ALDH5A1: variants seen among roughly 807,000 people sequenced by gnomAD.
The protein encoded by ALDH5A1 is aldehyde dehydrogenase 5 family member A1, also known as succinate-semialdehyde dehydrogenase, mitochondrial.
ALDH5A1 carries 33 observed loss-of-function variants against 54.7 expected under a neutral mutation model. That is an observed-to-expected ratio of 0.60 (90% CI 0.46 to 0.81). ALDH5A1 has a LOEUF of 0.81. Ranked by LOEUF, ALDH5A1 falls within the 30% of genes least tolerant of loss-of-function variation. The pLI is 0.00. For synonymous variants in ALDH5A1, 294 were observed against 292.7 expected (o/e 1.00, Z -0.05); for missense variants, 657 against 711.0 (o/e 0.92, Z 0.86).
chr6:24,515,108 T>C (rs1328751672), intron 4 of ALDH5A1, 59 bp from the exon 5 acceptor site: 12 of 1,470,132 alleles, frequency 8.2e-6, no homozygotes, highest in Non-Finnish European at 1.1e-5. Flanking sequence ...TTTTCTTTTT[T>C]TTTTTTTTTT....
intron 1 of ALDH5A1, among the ~76,000 whole-genome samples, chr6:24,495,830 G>A (rs1424286749): frequency 6.6e-6 from 1 of 152,204 alleles, no homozygotes; most frequent in Non-Finnish European, 1.5e-5. Context: ...TCATGGGATC[G>A]GAAACGGAGA....
intron 1 of ALDH5A1, 71 bp downstream of exon 1, chr6:24,495,421 C>T (rs2127379205): frequency 7.0e-7 from 1 of 1,423,080 alleles, no homozygotes; most frequent in South Asian, 1.3e-5. Flanking sequence ...GGCTTTACCC[C>T]AAAGTGACAC....
intron 8 of ALDH5A1, among the ~76,000 whole-genome samples, chr6:24,531,567 A>G (rs1303932640): frequency 6.6e-6 from 1 of 152,230 alleles, no homozygotes; most frequent in Non-Finnish European, 1.5e-5. Flanking sequence ...AACAACAGAA[A>G]AATATCACTG....
In ALDH5A1 at chr6:24,526,605, G is replaced by A. The variant is rs200926006; in HGVS notation, c.1174-1392G>A. On this transcript the variant is annotated intron_variant, in intron 7 of 9. Coordinates refer to ENST00000357578, the MANE Select transcript of ALDH5A1 (RefSeq NM_001080.3). Reference sequence around the variant, plus strand: ...TGGAGTTTAAAGCAAACTATAGAGAGGCAAAAAATATAATAGAAATGCAAA... The same window carrying A: ...TGGAGTTTAAAGCAAACTATAGAGAAGCAAAAAATATAATAGAAATGCAAA... Among the ~76,000 whole-genome samples, 6 of 151,242 alleles carry A rather than the reference G, an allele frequency of 4.0e-5. No individual in the cohort carries two copies. In the East Asian group the frequency reaches 1.2e-3, roughly 29 times the overall value.
intron 3 of ALDH5A1, among the ~76,000 whole-genome samples, chr6:24,504,499 C>T (rs1437634079): frequency 1.3e-5 from 2 of 152,210 alleles, no homozygotes; most frequent in Admixed American, 6.5e-5. Context: ...CCCATTCATA[C>T]ACCTACTATC....
intron 1 of ALDH5A1, among the ~76,000 whole-genome samples, chr6:24,496,159 A>G (rs1764700700): frequency 6.6e-6 from 1 of 152,184 alleles, no homozygotes; most frequent in Admixed American, 6.5e-5. Flanking sequence ...CTTAGCACTC[A>G]TTCATCCATC....
chr6:24,496,544 G>A (rs1222715869), intron 1 of ALDH5A1, among the ~76,000 whole-genome samples: 2 of 152,192 alleles, frequency 1.3e-5, no homozygotes, highest in African/African-American at 4.8e-5. Flanking sequence ...CCCAGATCGA[G>A]GTGTTGTCAG....
intron 4 of ALDH5A1, among the ~76,000 whole-genome samples, chr6:24,506,243 CTTTTTTTTTTTTTTTTT>C (rs70974913): frequency 1.5e-4 from 8 of 52,132 alleles, no homozygotes; most frequent in African/African-American, 4.4e-4. Context: ...TTCCTGGTTC[CTTTTTTTTTTTTTTTTT>C]TTTTTTTTTT....
intron 1 of ALDH5A1, among the ~76,000 whole-genome samples, chr6:24,500,094 C>T (rs1464940759): frequency 4.6e-5 from 7 of 152,184 alleles, no homozygotes. Context: ...GGGCATGAGC[C>T]GCCACACCTG....
intron 1 of ALDH5A1, among the ~76,000 whole-genome samples, chr6:24,496,641 T>G (rs1764712273): frequency 6.6e-6 from 1 of 152,200 alleles, no homozygotes; most frequent in South Asian, 2.1e-4. Context: ...TTTAGACTCA[T>G]GGAGTCTGAG....
rs146652356 is a variant in ALDH5A1 at position 24,518,853 on chromosome 6, G to A, written c.871-1548G>A. On this transcript the variant is annotated intron_variant, in intron 5 of 9. Coordinates refer to ENST00000357578, the MANE Select transcript of ALDH5A1 (RefSeq NM_001080.3). This position sits in a 1 kb window ranked among gnomAD's most constrained non-coding sequence, Gnocchi z 4.2. ...GAGCCACCTTGGGCTTGCGAACACC[G>A]TCTGTTTCACTCGAACTATCTCAAG... 1.8e-4 allele frequency among the ~76,000 whole-genome samples: 28 copies of A among 152,236 alleles called. No individual in the cohort carries two copies. The highest frequency in any genetic ancestry group is 4.6e-4 in the African/African-American group (19 of 41,550).
chr6:24,498,079 G>A (rs1364151931), intron 1 of ALDH5A1, among the ~76,000 whole-genome samples: 1 of 152,154 alleles, frequency 6.6e-6, no homozygotes, highest in Admixed American at 6.5e-5. Flanking sequence ...TAGAAAGTAG[G>A]TGAAGGAGAG....
rs980455160 is a variant in ALDH5A1, at chr6:24,505,660, G to A, written c.726+675G>A. 5.9e-5 allele frequency among the ~76,000 whole-genome samples: 9 copies of A among 151,970 alleles called. 1 individual carries two copies. Among genetic ancestry groups the A allele is most frequent in the Admixed American group, 2.6e-4 (4 of 15,250 alleles). ...CCTCTCTCCCAGGGAGGCCTTCCAT[G>A]GCCACCCTGTCTAAAAATCACAATT... On this transcript the variant is annotated intron_variant, in intron 4 of 9. Coordinates refer to ENST00000357578, the MANE Select transcript of ALDH5A1 (RefSeq NM_001080.3).
In ALDH5A1 at chr6:24,509,379, CT is replaced by C. The variant is rs1477832715; in HGVS notation, c.726+4397del. ...ACCATTTGTTGAGGGAGGATTCCCTCTTTCTCTATCTTGTGGAATAGTGTCA... is the reference window on the plus strand; with the variant it reads ...ACCATTTGTTGAGGGAGGATTCCCTCTTCTCTATCTTGTGGAATAGTGTCA... On this transcript the variant is annotated intron_variant, in intron 4 of 9. Transcript: ENST00000357578. This position sits in a 1 kb window ranked among gnomAD's most constrained non-coding sequence, Gnocchi z 4.7. Among the ~76,000 whole-genome samples, 1 of 152,164 alleles carries C rather than the reference CT, an allele frequency of 6.6e-6. No homozygotes were observed. Among genetic ancestry groups the C allele is most frequent in the African/African-American group, 2.4e-5 (1 of 41,440 alleles).
chr6:24,499,458 T>G (rs1397156380), intron 1 of ALDH5A1, among the ~76,000 whole-genome samples: 1 of 133,102 alleles, frequency 7.5e-6, no homozygotes, highest in East Asian at 2.0e-4. Context: ...GTGAATGAAT[T>G]AATTTTTTTT....
intron 5 of ALDH5A1, among the ~76,000 whole-genome samples, chr6:24,516,295 G>C (rs966596124): frequency 6.6e-6 from 1 of 151,552 alleles, no homozygotes; most frequent in African/African-American, 2.4e-5. Context: ...AATTAGCTGG[G>C]CGTGGTGGCG....
chr6:24,503,359 A>T lies in ALDH5A1; in HGVS notation c.535A>T (p.Ile179Phe). ...EEARRVYGDI[I>F]HTPAKDRRAL... ...AGCCCGCCGTGTTTACGGAGACATT[A>T]TCCACACCCCGGCAAAGGACAGGCG... is the stretch of plus-strand genomic sequence containing the variant. The change falls in exon 3 of 10, where the codon ATC (isoleucine) becomes TTC (phenylalanine). Residue 179 changes from isoleucine to phenylalanine, a missense_variant. By Grantham distance (21) the Ile-to-Phe change is conservative. Coordinates refer to ENST00000357578, the MANE Select transcript of ALDH5A1 (RefSeq NM_001080.3). The T allele has an allele frequency of 6.2e-7, 1 of 1,614,164 alleles. No homozygotes were observed. Among genetic ancestry groups the T allele is most frequent in the Non-Finnish European group, 8.5e-7 (1 of 1,180,040 alleles).
At chr6:24,520,812 G>A (rs760361087) in intron 6 of ALDH5A1, among the ~76,000 whole-genome samples, 1 of 151,920 alleles carries the variant, frequency 6.6e-6, no homozygotes, top group Non-Finnish European at 1.5e-5. Flanking sequence ...GCTCAGAGGG[G>A]CCCCCCCAAA....
In ALDH5A1 at chr6:24,508,370, A is replaced by T. The variant is rs2744589; in HGVS notation, c.726+3385A>T. Among the ~76,000 whole-genome samples the T allele has an allele frequency of 1.7e-3, 69 of 39,736 alleles. 3 individuals carry two copies. The highest frequency in any genetic ancestry group is 3.4e-3 in the Non-Finnish European group (42 of 12,442). 26.1% of individuals were successfully genotyped at this position (39,736 alleles called of 152,430 possible). On this transcript the variant is annotated intron_variant, in intron 4 of 9. Coordinates refer to ENST00000357578, the MANE Select transcript of ALDH5A1 (RefSeq NM_001080.3). Reference sequence around the variant, plus strand: ...AGCAAGACTCCATCTCCAAAAAAAAAAAAAAAAAAAAAAAAAAAGATTAAT... The same window carrying T: ...AGCAAGACTCCATCTCCAAAAAAAATAAAAAAAAAAAAAAAAAAGATTAAT...
Sources: gnomAD v4.1 joint callset for allele counts (sites outside exome capture counted in the v4.1 genomes callset) on GRCh38, gnomAD v4.1.1 for gene constraint, Gnocchi (gnomAD v3.1) non-coding constraint, MANE v1.5 for transcripts, NCBI Gene and HGNC (gene_info 2026-07-23, HGNC 2026-07-21) for gene names.